The following KIF25 variants were observed in gnomAD, a reference collection of about 807,000 sequenced individuals.
KIF25 encodes kinesin-like protein KIF25.
In KIF25, 19 loss-of-function variants were observed where a neutral mutation model predicts 32.9. The ratio of observed to expected loss-of-function variants is 0.58; its 90% confidence interval spans 0.40 to 0.85. The LOEUF (loss-of-function observed/expected upper bound fraction) is 0.85. KIF25 is among the 40% of genes least tolerant of loss of function. The pLI, the probability that KIF25 is intolerant of heterozygous loss-of-function variation, is 0.00. For synonymous variants in KIF25, 225 were observed against 213.7 expected (o/e 1.05, Z -0.46); for missense variants, 485 against 507.0 (o/e 0.96, Z 0.42).
At chr6:168,003,152 A>G (rs990671898) in intron 3 of KIF25, among the ~76,000 whole-genome samples, 3 of 152,204 alleles carry the variant, frequency 2.0e-5, no homozygotes, top group African/African-American at 7.2e-5. Flanking sequence ...TAAACTGCGC[A>G]TGAAGGAGAT....
chr6:168,031,043 G>A (rs114578672), intron 7 of KIF25, among the ~76,000 whole-genome samples, 196 bp downstream of exon 7: 1,801 of 152,260 alleles, frequency 0.012, 42 homozygotes, highest in African/African-American at 0.041. Flanking sequence ...AAAGGAGTGA[G>A]AATGATTTGG....
chr6:168,027,340 C>A (rs1798875231), intron 5 of KIF25, among the ~76,000 whole-genome samples: 1 of 151,278 alleles, frequency 6.6e-6, no homozygotes, highest in South Asian at 2.1e-4. Context: ...GTAGTCCCAG[C>A]TACTTGAGAG....
intron 2 of KIF25, among the ~76,000 whole-genome samples, chr6:168,001,447 C>T (rs1040198321): frequency 6.6e-6 from 1 of 152,244 alleles, no homozygotes; most frequent in African/African-American, 2.4e-5. Flanking sequence ...CACCAGCCTC[C>T]CTGCGAGCCT....
intron 5 of KIF25, among the ~76,000 whole-genome samples, chr6:168,023,476 C>T (rs1014792351): frequency 8.5e-5 from 13 of 152,070 alleles, no homozygotes; most frequent in Non-Finnish European, 1.6e-4. Flanking sequence ...CCATGTTGGC[C>T]CAGCAGGTCT....
At chr6:168,044,351 C>T (rs7748080) in intron 12 of KIF25, among the ~76,000 whole-genome samples, 1,089 of 96,276 alleles carry the variant, frequency 0.011, 69 homozygotes, top group African/African-American at 0.048. Context: ...TGCTAGTGAC[C>T]GGCTGCTGAC....
At chr6:168,019,635 A>G (rs1798761645) in intron 5 of KIF25, among the ~76,000 whole-genome samples, 1 of 152,194 alleles carries the variant, frequency 6.6e-6, no homozygotes, top group South Asian at 2.1e-4. Flanking sequence ...CACAGTGCGA[A>G]TGAGCTTGAG....
intron 4 of KIF25, among the ~76,000 whole-genome samples, chr6:168,014,590 C>T (rs117147351): frequency 1.3e-5 from 2 of 152,262 alleles, no homozygotes; most frequent in East Asian, 1.9e-4. Context: ...CTGGCTCCCA[C>T]GTTATGTTTT....
intron 5 of KIF25, among the ~76,000 whole-genome samples, chr6:168,025,603 T>G (rs1798849652): frequency 6.6e-6 from 1 of 152,126 alleles, no homozygotes; most frequent in Admixed American, 6.5e-5. Context: ...TTACACACCC[T>G]AGACTTGACT....
chr6:168,035,850 G>C (rs936220482), intron 8 of KIF25: 88 of 441,276 alleles, frequency 2.0e-4, no homozygotes, highest in Admixed American at 2.0e-3. Context: ...CCTCACCTTC[G>C]TCGTTTGCAG....
chr6:168,035,983 C>A (rs2306944), intron 8 of KIF25: 1 of 320,838 alleles, frequency 3.1e-6, no homozygotes. Context: ...AAGTTGCAAA[C>A]GGCCCTCTGC....
chr6:168,027,474 A>AAAAG (rs1798878489), intron 5 of KIF25, among the ~76,000 whole-genome samples: 1 of 140,596 alleles, frequency 7.1e-6, no homozygotes, highest in Admixed American at 7.2e-5. Flanking sequence ...AAAAAAAAAA[A>AAAAG]AGAGAGAGAG....
chr6:168,040,948 C>T (rs547543208), intron 10 of KIF25, among the ~76,000 whole-genome samples: 6 of 152,330 alleles, frequency 3.9e-5, no homozygotes, highest in South Asian at 4.1e-4. Context: ...ACTTGAGCTG[C>T]GTCCAATTCC....
intron 5 of KIF25, among the ~76,000 whole-genome samples, chr6:168,027,110 G>T (rs1798870700): frequency 6.6e-6 from 1 of 152,092 alleles, no homozygotes; most frequent in Non-Finnish European, 1.5e-5. Context: ...GGAGGCCCTC[G>T]ACCTGGGGCT....
intron 9 of KIF25, 102 bp downstream of exon 9, chr6:168,038,831 C>T (rs1799074867): frequency 2.3e-5 from 27 of 1,191,710 alleles, no homozygotes; most frequent in Admixed American, 4.7e-5. Flanking sequence ...GAGCTCCCCA[C>T]GCCCAAGGAT....
intron 4 of KIF25, among the ~76,000 whole-genome samples, chr6:168,004,746 G>A (rs1332624390): frequency 6.6e-6 from 1 of 152,152 alleles, no homozygotes; most frequent in Non-Finnish European, 1.5e-5. Flanking sequence ...GGGGTTGATA[G>A]GATCTTCACG....
chr6:168,022,252 C>T (rs1423004678), intron 5 of KIF25, among the ~76,000 whole-genome samples: 8 of 152,144 alleles, frequency 5.3e-5, no homozygotes, highest in Non-Finnish European at 1.0e-4. Flanking sequence ...TTTCCTGTGA[C>T]AATCTTTTAA....
At chr6:168,016,328 C>G (rs1051615039) in intron 4 of KIF25, among the ~76,000 whole-genome samples, 3 of 152,238 alleles carry the variant, frequency 2.0e-5, no homozygotes, top group African/African-American at 7.2e-5. Flanking sequence ...CCAGTAAATA[C>G]TCAGCAGAGA....
chr6:168,044,229 G>A (rs1424975058), intron 12 of KIF25, among the ~76,000 whole-genome samples: 7 of 143,998 alleles, frequency 4.9e-5, no homozygotes, highest in African/African-American at 7.9e-5. Flanking sequence ...GCTAGTGACC[G>A]GCTGCTGACC....
At chr6:168,027,804 G>A (rs1798884705) in intron 5 of KIF25, among the ~76,000 whole-genome samples, 1 of 152,244 alleles carries the variant, frequency 6.6e-6, no homozygotes, top group Non-Finnish European at 1.5e-5. Context: ...GAGCGAAGTT[G>A]AGTCTTTTCG....
Sources: allele counts gnomAD v4.1 joint callset (sites outside exome capture counted in the v4.1 genomes callset), GRCh38; gene constraint gnomAD v4.1.1; transcripts MANE v1.5; gene names NCBI Gene and HGNC (gene_info 2026-07-23, HGNC 2026-07-21).